Variants in ATRNL1 observed in about 807,000 individuals in gnomAD.
ATRNL1 encodes the protein attractin-like protein 1.
A neutral mutation model predicts 182.7 loss-of-function variants in ATRNL1; 95 were observed. That is an observed-to-expected ratio of 0.52 (90% CI 0.44 to 0.62). ATRNL1 has a LOEUF of 0.62. ATRNL1 is among the 20% of genes least tolerant of loss of function. ATRNL1 has a pLI of 0.00. For missense variants in ATRNL1, 1,471 were observed against 1,679.5 expected, an observed-to-expected ratio of 0.88 and a Z score of 2.17; for synonymous variants, 576 against 568.3, an observed-to-expected ratio of 1.01 and a Z score of -0.19.
intron 27 of ATRNL1, among the ~76,000 whole-genome samples, chr10:115,744,132 GATACATCATAA>G (rs1384991976): frequency 6.6e-6 from 1 of 152,028 alleles, no homozygotes; most frequent in Non-Finnish European, 1.5e-5. Flanking sequence ...GTCTTTGAAA[GATACATCATAA>G]CATCTATGTG....
Position 115,132,105 on chromosome 10 carries a change from A to T in ATRNL1, c.829+2570A>T, listed in dbSNP as rs534104041. On this transcript the variant is annotated intron_variant, in intron 5 of 28. Transcript: ENST00000355044. ...CTCCCCACACCCCACAACAGGCCCCAGTGTGGGATGTTCCCCTTCCTGTGT... is the reference window on the plus strand; with the variant it reads ...CTCCCCACACCCCACAACAGGCCCCTGTGTGGGATGTTCCCCTTCCTGTGT... Among the ~76,000 whole-genome samples the T allele has an allele frequency of 7.4e-4, 92 of 123,782 alleles. 2 individuals carry two copies. The highest frequency in any genetic ancestry group is 2.7e-3 in the Admixed American group (30 of 11,306). The allele number at this position is 123,782 out of a possible 152,430, so 81.2% of individuals were successfully genotyped here. A position where few individuals can be genotyped will look rare whatever the true frequency, so the allele number is the denominator to read the frequency against.
chr10:115,165,916 A>G (rs372332403), intron 7 of ATRNL1, among the ~76,000 whole-genome samples: 24 of 152,252 alleles, frequency 1.6e-4, no homozygotes, highest in East Asian at 1.5e-3. Flanking sequence ...GGCGAAATAC[A>G]TGTAACATAA....
Position 115,293,812 on chromosome 10 carries a change from C to T in ATRNL1, c.2416-6222C>T, listed in dbSNP as rs562028335. Among the ~76,000 whole-genome samples the T allele has an allele frequency of 2.0e-5, 3 of 152,220 alleles. No individual in the cohort carries two copies. The South Asian group carries it at 6.2e-4, about 32-fold the overall frequency. On this transcript the variant is annotated intron_variant, in intron 15 of 28. Coordinates refer to ENST00000355044, the MANE Select transcript of ATRNL1 (RefSeq NM_207303.4). ...CCATTCCTCTTGGCCTTTATGGTTT[C>T]TGCTAAGAAATTCACTATTGCTGAA...
At chr10:115,356,240 G>A (rs1856499304) in intron 19 of ATRNL1, among the ~76,000 whole-genome samples, 1 of 152,064 alleles carries the variant, frequency 6.6e-6, no homozygotes. Context: ...TAAAATAAGT[G>A]TAGGAAGCTT....
intron 27 of ATRNL1, among the ~76,000 whole-genome samples, chr10:115,799,931 A>G (rs948610751): frequency 2.0e-5 from 3 of 152,058 alleles, no homozygotes; most frequent in Non-Finnish European, 4.4e-5. Context: ...CTTTTAGTAA[A>G]GAATCTGAGC....
intron 27 of ATRNL1, among the ~76,000 whole-genome samples, chr10:115,766,475 T>C (rs1404210485): frequency 6.6e-6 from 1 of 152,180 alleles, no homozygotes; most frequent in Non-Finnish European, 1.5e-5. Context: ...ATTATGAAAA[T>C]ATCTCCCCAC....
At chr10:115,579,907 C>T (rs2769375) in intron 26 of ATRNL1, among the ~76,000 whole-genome samples, 72,082 of 151,462 alleles carry the variant, frequency 0.48, 18,614 homozygotes, top group East Asian at 0.84. Flanking sequence ...TTGTGGTTAT[C>T]AAGGGGCTTA....
At chr10:115,129,274 A>T in intron 4 of ATRNL1, 53 bp from the exon 5 acceptor site, 2 of 1,452,938 alleles carry the variant, frequency 1.4e-6, no homozygotes, top group Non-Finnish European at 1.9e-6. Context: ...GTATCAACCA[A>T]AATTCTTTTT....
At chr10:115,635,701 C>T (rs1858826388) in intron 26 of ATRNL1, among the ~76,000 whole-genome samples, 1 of 152,068 alleles carries the variant, frequency 6.6e-6, no homozygotes, top group African/African-American at 2.4e-5. Flanking sequence ...AATAGCATTA[C>T]CAATAATAGC....
intron 26 of ATRNL1, among the ~76,000 whole-genome samples, chr10:115,637,123 A>G (rs1400272955): frequency 1.3e-5 from 2 of 152,242 alleles, no homozygotes; most frequent in Non-Finnish European, 2.9e-5. Context: ...AAGAATGTCC[A>G]TGGTGTATTA....
At position 115,332,828 on chromosome 10, in the gene ATRNL1, T is replaced by A. The variant is rs529825541; in HGVS notation, c.3038-1454T>A. On this transcript the variant is annotated intron_variant, in intron 18 of 28. Transcript: ENST00000355044. ...TTTACATGCTATTTAATATCTGTTTTTTTTTTACATTCAATGTTCCATATA... is the reference window on the plus strand; with the variant it reads ...TTTACATGCTATTTAATATCTGTTTATTTTTTACATTCAATGTTCCATATA... 5.4e-4 allele frequency among the ~76,000 whole-genome samples: 82 copies of A among 152,216 alleles called. 1 individual carries two copies. The East Asian group carries it at 0.012, about 22-fold the overall frequency.
Position 115,241,699 on chromosome 10 carries a change from C to G in ATRNL1, c.1661C>G (p.Ser554Cys). 1 of 1,610,530 alleles carries G rather than the reference C, an allele frequency of 6.2e-7. No homozygotes were observed. The highest frequency in any genetic ancestry group is 8.5e-7 in the Non-Finnish European group (1 of 1,177,656). ...TTGAGTAACGGTGCAAAATGTTTTT[C>G]TGCCGATTTCCTGGCATATGACATA... is the stretch of plus-strand genomic sequence containing the variant. ...TSLSNGAKCF[S>C]ADFLAYDIAC... The change falls in exon 10 of 29, where the codon TCT becomes TGT. Residue 554 changes from serine to cysteine, a missense_variant. This residue lies in a region of ATRNL1 where 1,031 missense variants were observed against 1,156.0 expected (regional missense o/e 0.89). Coordinates refer to ENST00000355044, the MANE Select transcript of ATRNL1 (RefSeq NM_207303.4).
intron 28 of ATRNL1, among the ~76,000 whole-genome samples, chr10:115,907,767 A>G (rs1952547728): frequency 6.6e-6 from 1 of 152,050 alleles, no homozygotes; most frequent in African/African-American, 2.4e-5. Flanking sequence ...ATAAAATGTT[A>G]TATTTAATGT....
rs553969014 is a variant in ATRNL1 at position 115,916,797 on chromosome 10, A to C, written c.4019-27861A>C. Among the ~76,000 whole-genome samples the C allele has an allele frequency of 4.1e-4, 62 of 152,220 alleles. No individual in the cohort carries two copies. In the East Asian group the frequency reaches 0.012, roughly 30 times the overall value. On this transcript the variant is annotated intron_variant, in intron 28 of 28. Transcript: ENST00000355044. ...CTTGGGAGCTCAGGGCCTTCTGTTT[A>C]CTGGGAGCTCTTTCTCTGACCAAGA...
At chr10:115,596,578 A>G (rs1555014042) in intron 26 of ATRNL1, among the ~76,000 whole-genome samples, 1 of 152,158 alleles carries the variant, frequency 6.6e-6, no homozygotes, top group Non-Finnish European at 1.5e-5. Flanking sequence ...TAGCAATTTC[A>G]CCTGACATCT....
At chr10:115,695,349 A>G (rs1482569783) in intron 26 of ATRNL1, among the ~76,000 whole-genome samples, 4 of 152,146 alleles carry the variant, frequency 2.6e-5, no homozygotes, top group Non-Finnish European at 5.9e-5. Flanking sequence ...ACTACTGATT[A>G]TTTTTATAGG....
chr10:115,780,041 T>C (rs1416728822), intron 27 of ATRNL1, among the ~76,000 whole-genome samples: 8 of 152,206 alleles, frequency 5.3e-5, no homozygotes, highest in Admixed American at 5.2e-4. Context: ...TTCATATTGC[T>C]GAAAGAGGCA....
intron 1 of ATRNL1, among the ~76,000 whole-genome samples, chr10:115,113,918 A>C (rs1349613351): frequency 6.6e-6 from 1 of 152,202 alleles, no homozygotes; most frequent in Non-Finnish European, 1.5e-5. Flanking sequence ...ATCATTGCTT[A>C]CAAAAGCTTC....
chr10:115,137,915 G>T (rs1554877103), intron 5 of ATRNL1, among the ~76,000 whole-genome samples: 1 of 152,200 alleles, frequency 6.6e-6, no homozygotes, highest in East Asian at 1.9e-4. Context: ...CCTTCTGCCT[G>T]TGAGCCTGTA....
Sources: gnomAD v4.1 joint callset for allele counts (sites outside exome capture counted in the v4.1 genomes callset) on GRCh38, gnomAD v4.1.1 for gene constraint, gnomAD v4.1.1 regional missense constraint, MANE v1.5 for transcripts, NCBI Gene and HGNC (gene_info 2026-07-23, HGNC 2026-07-21) for gene names.